The following MYH9 variants were observed in gnomAD, a reference collection of about 807,000 sequenced individuals.
MYH9 encodes myosin heavy chain 9.
MYH9 carries 29 observed loss-of-function variants against 241.9 expected under a neutral mutation model. The observed-to-expected ratio is 0.12, with a 90% CI of 0.09 to 0.16. The LOEUF (loss-of-function observed/expected upper bound fraction) is 0.16. Ranked by LOEUF, MYH9 falls within the 10% of genes least tolerant of loss-of-function variation. The pLI is 1.00. For missense variants in MYH9, 1,803 were observed against 2,595.5 expected (o/e 0.69, Z 6.63); for synonymous variants, 1,047 against 1,062.6 (o/e 0.99, Z 0.29).
At chr22:36,376,829 C>A (rs1029958462) in intron 1 of MYH9, among the ~76,000 whole-genome samples, 1 of 152,044 alleles carries the variant, frequency 6.6e-6, no homozygotes, top group African/African-American at 2.4e-5. Flanking sequence ...TTTGGGAGGC[C>A]GAGGCAGGTG....
intron 14 of MYH9, among the ~76,000 whole-genome samples, chr22:36,310,961 C>T (rs925870876): frequency 1.3e-5 from 2 of 152,048 alleles, no homozygotes; most frequent in African/African-American, 4.8e-5. Context: ...AAGACAGTTG[C>T]TTCCGCAGCC....
Position 36,284,163 on chromosome 22 carries a change from C to T in MYH9, c.5695G>A (p.Glu1899Lys), listed in dbSNP as rs747131828. Reference sequence around the variant, plus strand: ...GCCGTCTCAGTGGCGTCCTCCAGCTCGCGCTGCAGTTTCCGGCGGGAGGCG... The same window carrying T: ...GCCGTCTCAGTGGCGTCCTCCAGCTTGCGCTGCAGTTTCCGGCGGGAGGCG... ...ANASRRKLQR[E>K]LEDATETADA... Residue 1899 changes from glutamate to lysine, a missense_variant, in exon 40 of 41, where the codon GAG becomes AAG. Coordinates refer to ENST00000216181, the MANE Select transcript of MYH9 (RefSeq NM_002473.6). The T allele has an allele frequency of 3.0e-5, 48 of 1,614,042 alleles. No individual in the cohort carries two copies. The highest frequency in any genetic ancestry group is 5.0e-5 in the Admixed American group (3 of 60,016).
chr22:36,374,289 G>T (rs2018132707), intron 1 of MYH9, among the ~76,000 whole-genome samples: 1 of 152,152 alleles, frequency 6.6e-6, no homozygotes, highest in African/African-American at 2.4e-5. Flanking sequence ...AGGCCAAGGT[G>T]GGCGGATCAC....
intron 1 of MYH9, among the ~76,000 whole-genome samples, chr22:36,376,122 C>T (rs1262477420): frequency 6.6e-6 from 1 of 151,752 alleles, no homozygotes; most frequent in Non-Finnish European, 1.5e-5. Flanking sequence ...CCACCACACC[C>T]GGCTAATTTT....
At chr22:36,378,506 A>C (rs2018206663) in intron 1 of MYH9, among the ~76,000 whole-genome samples, 1 of 152,170 alleles carries the variant, frequency 6.6e-6, no homozygotes, top group Non-Finnish European at 1.5e-5. Context: ...GGAGACATTA[A>C]GTGACCTAAA....
intron 5 of MYH9, among the ~76,000 whole-genome samples, chr22:36,323,017 C>T (rs183111062): frequency 6.6e-6 from 1 of 152,216 alleles, no homozygotes; most frequent in African/African-American, 2.4e-5. Context: ...ATAAATGCTT[C>T]ACTTTCTGTA....
chr22:36,297,877 G>A (rs950936819), intron 24 of MYH9, among the ~76,000 whole-genome samples: 1 of 152,150 alleles, frequency 6.6e-6, no homozygotes. Flanking sequence ...GTTCTCTAAC[G>A]CCGTCTACCA....
intron 2 of MYH9, among the ~76,000 whole-genome samples, chr22:36,344,705 C>T (rs1225454159): frequency 3.3e-5 from 5 of 152,328 alleles, no homozygotes; most frequent in South Asian, 2.1e-4. Context: ...CACTACCCAC[C>T]ACGCCCACCC....
chr22:36,360,329 G>A (rs1342076676), intron 1 of MYH9, among the ~76,000 whole-genome samples: 1 of 152,060 alleles, frequency 6.6e-6, no homozygotes, highest in East Asian at 1.9e-4. Flanking sequence ...GGGTTTCGTG[G>A]CCGAGTAAGG....
At position 36,293,492 on chromosome 22, in the gene MYH9, G is replaced by A; in HGVS notation, c.3943-11C>T. 2 of 1,612,410 alleles carry A rather than the reference G, an allele frequency of 1.2e-6. No homozygotes were observed. Among genetic ancestry groups the A allele is most frequent in the Non-Finnish European group, 1.7e-6 (2 of 1,180,004 alleles). On this transcript the variant is annotated splice_polypyrimidine_tract_variant and intron_variant, in intron 29 of 40. Coordinates refer to ENST00000216181, the MANE Select transcript of MYH9 (RefSeq NM_002473.6). The surrounding 1 kb of genome is among the most constrained non-coding windows in gnomAD (Gnocchi z 5.1). ...CTCCTGCAGCAGCTCCTACTCGCGG[G>A]TTGAGAGGGGTGCGGGTGCTTAGGA...
At chr22:36,374,512 T>G (rs901708608) in intron 1 of MYH9, among the ~76,000 whole-genome samples, 4 of 152,228 alleles carry the variant, frequency 2.6e-5, no homozygotes, top group African/African-American at 9.6e-5. Flanking sequence ...AGAGTGAGAC[T>G]CTGTTTCAAA....
At chr22:36,344,742 C>T (rs900515760) in intron 2 of MYH9, among the ~76,000 whole-genome samples, 3 of 152,228 alleles carry the variant, frequency 2.0e-5, no homozygotes, top group African/African-American at 7.2e-5. Flanking sequence ...GTGTGGCTTG[C>T]AATGGAAAGA....
intron 1 of MYH9, among the ~76,000 whole-genome samples, chr22:36,366,851 C>A (rs1032245197): frequency 1.3e-4 from 20 of 151,652 alleles, no homozygotes; most frequent in African/African-American, 4.6e-4. Context: ...GTGATCACCC[C>A]TGGGGTGGCA....
chr22:36,281,657 C>T lies in MYH9; in HGVS notation c.*1011G>A, dbSNP rs1331770061. The stretch of plus-strand genomic sequence containing the variant: ...CAGTGAGAAAGACTCGGAATTTTAT[C>T]ATTTATTACAAGAAAGGGGAAAAAA... On this transcript the variant is annotated 3_prime_UTR_variant, in exon 41 of 41. Transcript: ENST00000216181. 4.3e-6 allele frequency: 1 copy of T among 230,250 alleles called. No homozygotes were observed. Among genetic ancestry groups the T allele is most frequent in the Non-Finnish European group, 8.6e-6 (1 of 115,994 alleles). The allele number at this position is 230,250 out of a possible 1,614,324, so 14.3% of individuals were successfully genotyped here. A position where few individuals can be genotyped will look rare whatever the true frequency, so the allele number is the denominator to read the frequency against.
intron 1 of MYH9, among the ~76,000 whole-genome samples, chr22:36,352,728 A>T (rs1386571219): frequency 6.6e-6 from 1 of 152,152 alleles, no homozygotes; most frequent in East Asian, 1.9e-4. Flanking sequence ...TTGCAAGAGG[A>T]AGAGAGAATG....
At chr22:36,379,897 T>G (rs2146426108) in intron 1 of MYH9, among the ~76,000 whole-genome samples, 1 of 152,342 alleles carries the variant, frequency 6.6e-6, no homozygotes, top group East Asian at 1.9e-4. Flanking sequence ...GAGAAGCTAA[T>G]CGTGGGAATG....
chr22:36,358,284 C>T (rs188592778), intron 1 of MYH9, among the ~76,000 whole-genome samples: 71 of 152,258 alleles, frequency 4.7e-4, no homozygotes, highest in African/African-American at 1.5e-3. Flanking sequence ...AGGCTGGTCT[C>T]GAACTCCTGA....
At chr22:36,359,461 T>C (rs924595771) in intron 1 of MYH9, among the ~76,000 whole-genome samples, 3 of 152,244 alleles carry the variant, frequency 2.0e-5, no homozygotes, top group African/African-American at 7.2e-5. Context: ...GTAAGGGTTA[T>C]AGCCACCTAA....
rs757451342 is a variant in MYH9 at position 36,305,915 on chromosome 22, C to T, written c.2159+15G>A. 41 of 1,612,522 alleles carry T rather than the reference C, an allele frequency of 2.5e-5. No individual in the cohort carries two copies. The Admixed American group carries it at 3.5e-4, about 14-fold the overall frequency. ...AGCAGGGCCCAGGAGAAGCGGGCTC[C>T]GGGCCCTGGCTCACCTCTGCCGAAA... On this transcript the variant is annotated intron_variant, in intron 17 of 40. Transcript: ENST00000216181. The surrounding 1 kb of genome is among the most constrained non-coding windows in gnomAD (Gnocchi z 4.7).
Sources: gnomAD v4.1 joint callset for allele counts (sites outside exome capture counted in the v4.1 genomes callset) on GRCh38, gnomAD v4.1.1 for gene constraint, Gnocchi (gnomAD v3.1) non-coding constraint, MANE v1.5 for transcripts, NCBI Gene and HGNC (gene_info 2026-07-23, HGNC 2026-07-21) for gene names.